SMYD3: variants seen among roughly 807,000 people sequenced by gnomAD.
The protein encoded by SMYD3 is histone-lysine N-methyltransferase SMYD3.
A neutral mutation model predicts 57.7 loss-of-function variants in SMYD3; 36 were observed. The observed-to-expected ratio is 0.62, with a 90% CI of 0.48 to 0.82. The LOEUF (loss-of-function observed/expected upper bound fraction) is 0.82. SMYD3 is among the 40% of genes least tolerant of loss of function. The pLI, the probability that SMYD3 is intolerant of heterozygous loss-of-function variation, is 0.00. For missense variants in SMYD3, 515 were observed against 538.8 expected (o/e 0.96, Z 0.44); for synonymous variants, 211 against 195.0 (o/e 1.08, Z -0.68).
At chr1:246,255,216 G>A (rs1404773799) in intron 5 of SMYD3, among the ~76,000 whole-genome samples, 1 of 151,976 alleles carries the variant, frequency 6.6e-6, no homozygotes, top group Non-Finnish European at 1.5e-5. Context: ...AGTTCTCAGG[G>A]AGAATGCTCC....
chr1:246,327,731 TG>T (rs1253706440), intron 4 of SMYD3, among the ~76,000 whole-genome samples: 4 of 152,160 alleles, frequency 2.6e-5, no homozygotes, highest in African/African-American at 9.7e-5. Context: ...AACTAGGTCA[TG>T]ACTAAACTAA....
intron 1 of SMYD3, among the ~76,000 whole-genome samples, chr1:246,481,287 T>C (rs1260358335): frequency 2.0e-5 from 3 of 152,066 alleles, no homozygotes; most frequent in Non-Finnish European, 4.4e-5. Flanking sequence ...ACATTATTTT[T>C]TGGTGTGTCT....
intron 5 of SMYD3, among the ~76,000 whole-genome samples, chr1:245,987,967 T>C (rs550752345): frequency 1.6e-4 from 24 of 152,340 alleles, no homozygotes; most frequent in African/African-American, 5.3e-4. Flanking sequence ...TGATCTGGCA[T>C]GGAGGCCAGA....
intron 5 of SMYD3, among the ~76,000 whole-genome samples, chr1:246,190,105 T>G (rs750640932): frequency 2.0e-5 from 3 of 152,130 alleles, no homozygotes; most frequent in Non-Finnish European, 2.9e-5. Flanking sequence ...AATGCCCAAG[T>G]CCAAAAGACT....
intron 5 of SMYD3, among the ~76,000 whole-genome samples, chr1:246,061,336 A>G (rs1195254787): frequency 1.3e-5 from 2 of 152,176 alleles, no homozygotes; most frequent in African/African-American, 4.8e-5. Flanking sequence ...CAGCAAACAC[A>G]TATCACCTGG....
Position 245,788,149 on chromosome 1 carries a change from C to T in SMYD3, c.1077-24000G>A, listed in dbSNP as rs752525771. Among the ~76,000 whole-genome samples, 5 of 150,388 alleles carry T rather than the reference C, an allele frequency of 3.3e-5. 1 individual carries two copies. Among genetic ancestry groups the T allele is most frequent in the Non-Finnish European group, 7.4e-5 (5 of 67,680 alleles). Reference sequence around the variant, plus strand: ...GTCCAGATTAACACAGGGAACAGGGCAAGGGGAATGGTGACCAGACTAGCA... The same window carrying T: ...GTCCAGATTAACACAGGGAACAGGGTAAGGGGAATGGTGACCAGACTAGCA... On this transcript the variant is annotated intron_variant, in intron 10 of 11. Coordinates refer to ENST00000490107, the MANE Select transcript of SMYD3 (RefSeq NM_001167740.2).
At chr1:246,432,448 C>T (rs1240227644) in intron 1 of SMYD3, among the ~76,000 whole-genome samples, 1 of 152,122 alleles carries the variant, frequency 6.6e-6, no homozygotes, top group Non-Finnish European at 1.5e-5. Flanking sequence ...AATTAGAGGG[C>T]ACCCAGAAAG....
At chr1:245,903,802 T>C (rs887845687) in intron 8 of SMYD3, among the ~76,000 whole-genome samples, 4 of 152,188 alleles carry the variant, frequency 2.6e-5, no homozygotes, top group Admixed American at 6.5e-5. Context: ...CTGGAGCAGG[T>C]GGGATGCCCC....
intron 10 of SMYD3, among the ~76,000 whole-genome samples, chr1:245,845,720 A>T (rs1558414569): frequency 6.6e-6 from 1 of 152,194 alleles, no homozygotes; most frequent in Non-Finnish European, 1.5e-5. Flanking sequence ...AATGGCGGAG[A>T]GCTGCTGCTT....
At chr1:246,030,721 C>T (rs1011068686) in intron 5 of SMYD3, among the ~76,000 whole-genome samples, 2 of 152,112 alleles carry the variant, frequency 1.3e-5, no homozygotes, top group African/African-American at 2.4e-5. Flanking sequence ...GTTGCACCAT[C>T]GCCACACCTG....
At chr1:246,039,216 A>C (rs769167236) in intron 5 of SMYD3, among the ~76,000 whole-genome samples, 4 of 152,234 alleles carry the variant, frequency 2.6e-5, no homozygotes, top group Non-Finnish European at 5.9e-5. Flanking sequence ...AATTACAAAA[A>C]TTATCCTGGC....
At chr1:245,823,968 A>G (rs2049321942) in intron 10 of SMYD3, among the ~76,000 whole-genome samples, 1 of 152,224 alleles carries the variant, frequency 6.6e-6, no homozygotes, top group South Asian at 2.1e-4. Context: ...GGGCATGGCC[A>G]GAATGACAGC....
chr1:245,993,532 C>T lies in SMYD3; in HGVS notation c.532-63595G>A, dbSNP rs139633417. ...GGAGGATCACTTGAGCCCACGAGTT[C>T]AAGACCAGGCTAGGCAACATAGCAA... On this transcript the variant is annotated intron_variant, in intron 5 of 11. Coordinates refer to ENST00000490107, the MANE Select transcript of SMYD3 (RefSeq NM_001167740.2). 3.5e-3 allele frequency among the ~76,000 whole-genome samples: 526 copies of T among 150,604 alleles called. 4 individuals are homozygous for T. Among genetic ancestry groups the T allele is most frequent in the African/African-American group, 0.012 (477 of 40,718 alleles).
intron 5 of SMYD3, among the ~76,000 whole-genome samples, chr1:246,090,940 T>C (rs1372853176): frequency 1.3e-5 from 2 of 152,156 alleles, no homozygotes; most frequent in Admixed American, 6.5e-5. Flanking sequence ...AGCCACTTCA[T>C]ACTGGGAACC....
chr1:246,425,655 G>T (rs1572489569), intron 1 of SMYD3, among the ~76,000 whole-genome samples: 1 of 152,192 alleles, frequency 6.6e-6, no homozygotes, highest in South Asian at 2.1e-4. Context: ...CAATGGGATT[G>T]AGCTTCAGTT....
chr1:246,319,406 G>A (rs1044992499), intron 5 of SMYD3, among the ~76,000 whole-genome samples: 1 of 152,090 alleles, frequency 6.6e-6, no homozygotes, highest in Non-Finnish European at 1.5e-5. Context: ...AATATTTAAT[G>A]GCATATTTTT....
At chr1:246,150,626 A>C (rs2061925714) in intron 5 of SMYD3, among the ~76,000 whole-genome samples, 1 of 152,230 alleles carries the variant, frequency 6.6e-6, no homozygotes, top group African/African-American at 2.4e-5. Flanking sequence ...ACTGGGACCC[A>C]AACCAAGGAT....
At chr1:246,063,643 C>A (rs1008104761) in intron 5 of SMYD3, among the ~76,000 whole-genome samples, 1 of 149,450 alleles carries the variant, frequency 6.7e-6, no homozygotes, top group African/African-American at 2.5e-5. Flanking sequence ...CTCTCCCTCC[C>A]TTTCTCTCTC....
At chr1:246,091,001 C>A (rs940764945) in intron 5 of SMYD3, among the ~76,000 whole-genome samples, 1 of 152,180 alleles carries the variant, frequency 6.6e-6, no homozygotes, top group African/African-American at 2.4e-5. Context: ...AGCAGAGGAA[C>A]GGACTCCAAC....
Sources: gnomAD v4.1 joint callset for allele counts (sites outside exome capture counted in the v4.1 genomes callset) on GRCh38, gnomAD v4.1.1 for gene constraint, MANE v1.5 for transcripts, NCBI Gene and HGNC (gene_info 2026-07-23, HGNC 2026-07-21) for gene names.